KCNK12: variants seen among roughly 807,000 people sequenced by gnomAD.
KCNK12 encodes potassium channel subfamily K member 12.
KCNK12 carries 6 observed loss-of-function variants against 25.3 expected under a neutral mutation model. The observed-to-expected ratio is 0.24, with a 90% CI of 0.13 to 0.47. The LOEUF (loss-of-function observed/expected upper bound fraction) is 0.47, where lower values mean the gene tolerates loss of function less well. Among genes scored for constraint, KCNK12 ranks in the 20% least tolerant of loss-of-function variants. KCNK12 has a pLI of 0.99. For synonymous variants in KCNK12, 331 were observed against 311.1 expected (o/e 1.06, Z -0.67); for missense variants, 444 against 661.7 (o/e 0.67, Z 3.61).
rs1289001780 is a variant in KCNK12 at position 47,547,833 on chromosome 2, A to G, written c.391+22108T>C. Among the ~76,000 whole-genome samples, 1 of 152,096 alleles carries G rather than the reference A, an allele frequency of 6.6e-6. No homozygotes were observed. Among genetic ancestry groups the G allele is most frequent in the Non-Finnish European group, 1.5e-5 (1 of 68,016 alleles). Reference sequence around the variant, plus strand: ...GGCTGGTCTCGAACTCCTACCACATATAAGTGGTTCTCACTCCTGGCTACA... The same window carrying G: ...GGCTGGTCTCGAACTCCTACCACATGTAAGTGGTTCTCACTCCTGGCTACA... On this transcript the variant is annotated intron_variant, in intron 1 of 1. Transcript: ENST00000327876. The surrounding 1 kb of genome is among the most constrained non-coding windows in gnomAD (Gnocchi z 5.0).
In KCNK12 at chr2:47,541,393, C is replaced by T. The variant is rs188563412; in HGVS notation, c.392-19585G>A. Among the ~76,000 whole-genome samples, 244 of 152,250 alleles carry T rather than the reference C, an allele frequency of 1.6e-3. 1 individual carries two copies. In the Middle Eastern group the frequency reaches 0.044, roughly 28 times the overall value. The stretch of plus-strand genomic sequence containing the variant: ...AGCAATAGCAATTTCTGAAAATCAC[C>T]AAGCCACACCAAATATATGAAATAT... On this transcript the variant is annotated intron_variant, in intron 1 of 1. Coordinates refer to ENST00000327876, the MANE Select transcript of KCNK12 (RefSeq NM_022055.2).
In KCNK12 at chr2:47,514,552, A is replaced by G. The variant is rs1397222195; in HGVS notation, c.*6355T>C. On this transcript the variant is annotated 3_prime_UTR_variant, in exon 2 of 2. Coordinates refer to ENST00000327876, the MANE Select transcript of KCNK12 (RefSeq NM_022055.2). The surrounding 1 kb of genome is among the most constrained non-coding windows in gnomAD (Gnocchi z 5.0). ...AATAAGATAAATATGCAAGTCTCTT[A>G]TCTGGGGGTCTGGCTTGGTAAATAT... 6.6e-6 allele frequency among the ~76,000 whole-genome samples: 1 copy of G among 152,096 alleles called. No individual in the cohort carries two copies. Among genetic ancestry groups the G allele is most frequent in the Non-Finnish European group, 1.5e-5 (1 of 68,006 alleles).
chr2:47,517,599 T>C lies in KCNK12; in HGVS notation c.*3308A>G, dbSNP rs1668556273. On this transcript the variant is annotated 3_prime_UTR_variant, in exon 2 of 2. Transcript: ENST00000327876. This position sits in a 1 kb window ranked among gnomAD's most constrained non-coding sequence, Gnocchi z 4.1. ...GTGTATGTGTGTGTGTATATATATA[T>C]ACATATATGCATGATGCTGTGCAAA... The C allele has an allele frequency of 6.6e-6, 1 of 152,026 alleles. No homozygotes were observed. Among genetic ancestry groups the C allele is most frequent in the Non-Finnish European group, 1.5e-5 (1 of 68,010 alleles). The allele number at this position is 152,026 out of a possible 1,614,324, so 9.4% of individuals were successfully genotyped here. A position where few individuals can be genotyped will look rare whatever the true frequency, so the allele number is the denominator to read the frequency against.
chr2:47,513,540 C>T lies in KCNK12; in HGVS notation c.*7367G>A, dbSNP rs1372522116. ...CACTCACAGCCTGAGTAATTCACAC[C>T]ATCTTGATGCTGAGAACTTCCAAAA... On this transcript the variant is annotated 3_prime_UTR_variant, in exon 2 of 2. Transcript: ENST00000327876. Among the ~76,000 whole-genome samples, 1 of 152,126 alleles carries T rather than the reference C, an allele frequency of 6.6e-6. No homozygotes were observed. The highest frequency in any genetic ancestry group is 1.9e-4 in the East Asian group (1 of 5,184).
intron 1 of KCNK12, among the ~76,000 whole-genome samples, chr2:47,546,526 G>T (rs1230227931): frequency 1.3e-5 from 2 of 152,154 alleles, no homozygotes; most frequent in African/African-American, 2.4e-5. Flanking sequence ...GTGTGGTAGC[G>T]AGCACCTATA....
chr2:47,512,520 A>G lies in KCNK12; in HGVS notation c.*8387T>C. On this transcript the variant is annotated 3_prime_UTR_variant, in exon 2 of 2. Coordinates refer to ENST00000327876, the MANE Select transcript of KCNK12 (RefSeq NM_022055.2). The stretch of plus-strand genomic sequence containing the variant: ...GTAAACATTTCCCTCAAAATGGAGC[A>G]GGAAGCTCTCAAAAATGGACCAGAA... 1 of 1,416,018 alleles carries G rather than the reference A, an allele frequency of 7.1e-7. No homozygotes were observed. The highest frequency in any genetic ancestry group is 9.5e-7 in the Non-Finnish European group (1 of 1,055,886). The allele number at this position is 1,416,018 out of a possible 1,614,324, so 87.7% of individuals were successfully genotyped here.
chr2:47,564,203 G>A (rs1669744627), intron 1 of KCNK12: 1 of 231,150 alleles, frequency 4.3e-6, no homozygotes, highest in South Asian at 1.8e-4. Flanking sequence ...CAATTAGGTG[G>A]ATAACTGTCC....
At chr2:47,539,518 G>T (rs778499022) in intron 1 of KCNK12, among the ~76,000 whole-genome samples, 4 of 152,144 alleles carry the variant, frequency 2.6e-5, no homozygotes, top group Admixed American at 6.5e-5. Context: ...AAGGAAGGGA[G>T]GCCAAAGGGA....
intron 1 of KCNK12, among the ~76,000 whole-genome samples, chr2:47,524,535 T>G (rs192282660): frequency 4.6e-5 from 7 of 152,122 alleles, no homozygotes; most frequent in South Asian, 2.1e-4. Context: ...GATGCATGCA[T>G]GGTTGGTAAA....
chr2:47,557,223 T>C lies in KCNK12; in HGVS notation c.391+12718A>G, dbSNP rs528885485. 6.6e-6 allele frequency among the ~76,000 whole-genome samples: 1 copy of C among 152,180 alleles called. No individual in the cohort carries two copies. The highest frequency in any genetic ancestry group is 1.5e-5 in the Non-Finnish European group (1 of 68,038). On this transcript the variant is annotated intron_variant, in intron 1 of 1. Coordinates refer to ENST00000327876, the MANE Select transcript of KCNK12 (RefSeq NM_022055.2). The surrounding 1 kb of genome is among the most constrained non-coding windows in gnomAD (Gnocchi z 4.9). ...AGGTGATTGGATCATGTGGGTTCTG[T>C]TCTCATGAATGGATTAATGTCATCA...
chr2:47,560,239 T>C lies in KCNK12; in HGVS notation c.391+9702A>G. ...AGGTCTGGGCGGGAGCTCGGTCCTC[T>C]TCAACAAGTTCCCAGAGTTCTGGTG... is the stretch of plus-strand genomic sequence containing the variant. On this transcript the variant is annotated intron_variant, in intron 1 of 1. Coordinates refer to ENST00000327876, the MANE Select transcript of KCNK12 (RefSeq NM_022055.2). This position sits in a 1 kb window ranked among gnomAD's most constrained non-coding sequence, Gnocchi z 4.7. Among the ~76,000 whole-genome samples the C allele has an allele frequency of 6.6e-6, 1 of 152,228 alleles. No individual in the cohort carries two copies. Among genetic ancestry groups the C allele is most frequent in the Admixed American group, 6.5e-5 (1 of 15,286 alleles).
chr2:47,520,321 C>T lies in KCNK12; in HGVS notation c.*586G>A, dbSNP rs960766246. ...CCAAATCTGGGGGAAATGCCACAGT[C>T]CGCAAGTTGGTGCTATGTTTCATCT... On this transcript the variant is annotated 3_prime_UTR_variant, in exon 2 of 2. Transcript: ENST00000327876. The surrounding 1 kb of genome is among the most constrained non-coding windows in gnomAD (Gnocchi z 5.0). The T allele has an allele frequency of 1.3e-5, 2 of 152,412 alleles. No homozygotes were observed. Among genetic ancestry groups the T allele is most frequent in the Non-Finnish European group, 2.9e-5 (2 of 68,174 alleles). The allele number at this position is 152,412 out of a possible 1,614,324, so 9.4% of individuals were successfully genotyped here. A position where few individuals can be genotyped will look rare whatever the true frequency, so the allele number is the denominator to read the frequency against.
chr2:47,527,747 A>C (rs953967229), intron 1 of KCNK12: 1 of 152,260 alleles, frequency 6.6e-6, no homozygotes, highest in Non-Finnish European at 1.5e-5. Flanking sequence ...CCCTCCTCAC[A>C]AGGGTGTGGC....
rs772068779 is a variant in KCNK12 at position 47,511,462 on chromosome 2, T to C, written c.*9445A>G. On this transcript the variant is annotated 3_prime_UTR_variant, in exon 2 of 2. Coordinates refer to ENST00000327876, the MANE Select transcript of KCNK12 (RefSeq NM_022055.2). This position sits in a 1 kb window ranked among gnomAD's most constrained non-coding sequence, Gnocchi z 4.3. ...CAAATACATGTATTCTAAAGAAATC[T>C]GTCCAGAACCCCAGCATCTGTGGTG... Among the ~76,000 whole-genome samples, 3 of 152,248 alleles carry C rather than the reference T, an allele frequency of 2.0e-5. No homozygotes were observed. The highest frequency in any genetic ancestry group is 4.8e-5 in the African/African-American group (2 of 41,464).
At position 47,518,627 on chromosome 2, in the gene KCNK12, G is replaced by GA. The variant is rs1668577315; in HGVS notation, c.*2279_*2280insT. 1 of 152,396 alleles carries GA rather than the reference G, an allele frequency of 6.6e-6. No individual in the cohort carries two copies. The allele number at this position is 152,396 out of a possible 1,614,324, so 9.4% of individuals were successfully genotyped here. On this transcript the variant is annotated 3_prime_UTR_variant, in exon 2 of 2. Coordinates refer to ENST00000327876, the MANE Select transcript of KCNK12 (RefSeq NM_022055.2). The surrounding 1 kb of genome is among the most constrained non-coding windows in gnomAD (Gnocchi z 4.1). ...TCTGTGTAGTCCTGCACGCTGGGCG[G>GA]GGGATTGCCTGGAGGTTTCTTTAGA...
At chr2:47,526,524 G>A (rs565168265) in intron 1 of KCNK12, among the ~76,000 whole-genome samples, 1 of 152,320 alleles carries the variant, frequency 6.6e-6, no homozygotes, top group African/African-American at 2.4e-5. Context: ...CTTGAGGCCA[G>A]GAGTTCAAGA....
chr2:47,513,568 T>C lies in KCNK12; in HGVS notation c.*7339A>G, dbSNP rs60068970. Among the ~76,000 whole-genome samples, 408 of 152,320 alleles carry C rather than the reference T, an allele frequency of 2.7e-3. 2 individuals carry two copies. The highest frequency in any genetic ancestry group is 9.3e-3 in the African/African-American group (387 of 41,572). The stretch of plus-strand genomic sequence containing the variant: ...CTTGATGCTGAGAACTTCCAAAATG[T>C]TGGTCTAGCCTGGGTCATTGTTATG... On this transcript the variant is annotated 3_prime_UTR_variant, in exon 2 of 2. Transcript: ENST00000327876.
Position 47,570,249 on chromosome 2 carries a change from C to T in KCNK12, c.83G>A (p.Arg28His), listed in dbSNP as rs1443001682. ...PRPSCCCCCC[R>H]RSHLNEDTGR... ...GGTGTCCTCGTTGAGGTGCGAACGGCGGCAGCAGCAGCAGCAGCAGGAGGG... is the reference window on the plus strand; with the variant it reads ...GGTGTCCTCGTTGAGGTGCGAACGGTGGCAGCAGCAGCAGCAGCAGGAGGG... Residue 28 changes from arginine (R) to histidine (H), a missense_variant, in exon 1 of 2, where the codon CGC becomes CAC. Around this residue, in one of 8 missense-constraint regions of KCNK12, gnomAD observed 67 missense variants for 59.2 expected, o/e 1.13. Transcript: ENST00000327876. 1 of 1,451,266 alleles carries T rather than the reference C, an allele frequency of 6.9e-7. No individual in the cohort carries two copies. The highest frequency in any genetic ancestry group is 2.3e-5 in the Admixed American group (1 of 42,594). The allele number at this position is 1,451,266 out of a possible 1,614,324, so 89.9% of individuals were successfully genotyped here.
Position 47,513,877 on chromosome 2 carries a change from G to C in KCNK12, c.*7030C>G, listed in dbSNP as rs879722. Among the ~76,000 whole-genome samples the C allele has an allele frequency of 0.46, 69,189 of 151,842 alleles. 16,857 individuals are homozygous for C. The highest frequency in any genetic ancestry group is 0.66 in the East Asian group (3,415 of 5,154). ...GTCCCTCAAATCTCTCCACGTCTCT[G>C]TGTTCTCACTAGCACTACCTTGGTC... On this transcript the variant is annotated 3_prime_UTR_variant, in exon 2 of 2. Transcript: ENST00000327876.
Sources: gnomAD v4.1 joint callset for allele counts (sites outside exome capture counted in the v4.1 genomes callset) on GRCh38, gnomAD v4.1.1 for gene constraint, gnomAD v4.1.1 regional missense constraint, Gnocchi (gnomAD v3.1) non-coding constraint, MANE v1.5 for transcripts, NCBI Gene and HGNC (gene_info 2026-07-23, HGNC 2026-07-21) for gene names.